The following NTM variants were observed in gnomAD, a reference collection of about 807,000 sequenced individuals.
The protein encoded by NTM is IgLON family member 2.
A neutral mutation model predicts 42.1 loss-of-function variants in NTM; 13 were observed. That is an observed-to-expected ratio of 0.31 (90% CI 0.20 to 0.49). The LOEUF is 0.49. NTM is among the 20% of genes least tolerant of loss of function. The probability of loss-of-function intolerance (pLI) is 0.99; values close to 1 mark genes in which losing one functional copy is unlikely to be tolerated. For synonymous variants in NTM, 187 were observed against 179.2 expected (o/e 1.04, Z -0.35); for missense variants, 373 against 452.8 (o/e 0.82, Z 1.60).
chr11:131,531,753 A>T (rs1242368303), intron 1 of NTM, among the ~76,000 whole-genome samples: 1 of 152,212 alleles, frequency 6.6e-6, no homozygotes, highest in African/African-American at 2.4e-5. Flanking sequence ...TTTTCATAAG[A>T]TGGAGGTGAA....
intron 1 of NTM, among the ~76,000 whole-genome samples, chr11:131,703,968 C>G (rs1348846122): frequency 1.3e-5 from 2 of 152,164 alleles, no homozygotes; most frequent in Admixed American, 1.3e-4. Context: ...AGGGTTGCAT[C>G]CACAGAACCA....
intron 1 of NTM, among the ~76,000 whole-genome samples, chr11:131,729,292 G>T (rs1310570494): frequency 6.6e-6 from 1 of 152,154 alleles, no homozygotes; most frequent in Non-Finnish European, 1.5e-5. Flanking sequence ...GGGTATTTGA[G>T]AAATATTGGT....
At chr11:131,813,817 C>G (rs1293963980) in intron 1 of NTM, among the ~76,000 whole-genome samples, 1 of 151,468 alleles carries the variant, frequency 6.6e-6, no homozygotes, top group South Asian at 2.1e-4. Flanking sequence ...ATGACAGAGA[C>G]CCGGGTTCTA....
At chr11:131,984,614 A>T (rs1268419097) in intron 2 of NTM, 2 of 152,198 alleles carry the variant, frequency 1.3e-5, no homozygotes, top group Non-Finnish European at 2.9e-5. Flanking sequence ...TATCTAGCCC[A>T]TTTGCTGTGA....
intron 1 of NTM, among the ~76,000 whole-genome samples, chr11:131,825,006 T>C (rs2041963284): frequency 6.6e-6 from 1 of 152,150 alleles, no homozygotes; most frequent in Admixed American, 6.5e-5. Flanking sequence ...ACAACAGAAA[T>C]TTATTGTTTC....
intron 1 of NTM, among the ~76,000 whole-genome samples, chr11:131,492,407 A>AGTTTCT (rs4053984): frequency 0.71 from 107,191 of 151,494 alleles, 37,937 homozygotes; most frequent in Admixed American, 0.75. Flanking sequence ...AGTTATCTTC[A>AGTTTCT]AAGACATCTT....
At chr11:131,747,663 T>A (rs1349815357) in intron 1 of NTM, among the ~76,000 whole-genome samples, 3 of 152,246 alleles carry the variant, frequency 2.0e-5, no homozygotes, top group Non-Finnish European at 4.4e-5. Context: ...CAAGCTTTTC[T>A]GGATCTTGGG....
intron 1 of NTM, among the ~76,000 whole-genome samples, chr11:131,905,109 T>C (rs1257195640): frequency 6.6e-6 from 1 of 152,198 alleles, no homozygotes; most frequent in Non-Finnish European, 1.5e-5. Flanking sequence ...CAGCCAGGCC[T>C]GTGCTAAACT....
intron 2 of NTM, among the ~76,000 whole-genome samples, chr11:132,011,454 G>A (rs1241882489): frequency 6.6e-6 from 1 of 152,180 alleles, no homozygotes; most frequent in African/African-American, 2.4e-5. Flanking sequence ...CTTGAACTGG[G>A]TGAGCGGTCC....
intron 1 of NTM, among the ~76,000 whole-genome samples, chr11:131,613,014 GC>G (rs552035485): frequency 9.2e-4 from 140 of 152,340 alleles, no homozygotes; most frequent in African/African-American, 3.2e-3. Context: ...GTTCCCTGGG[GC>G]CAGGCACATT....
intron 4 of NTM, among the ~76,000 whole-genome samples, chr11:132,224,592 G>C (rs1289452457): frequency 3.3e-5 from 5 of 152,142 alleles, no homozygotes; most frequent in Non-Finnish European, 5.9e-5. Context: ...TCTGTGGCAG[G>C]GCAGAAACCC....
intron 1 of NTM, among the ~76,000 whole-genome samples, chr11:131,678,411 T>C (rs2071812650): frequency 6.6e-6 from 1 of 152,244 alleles, no homozygotes; most frequent in South Asian, 2.1e-4. Flanking sequence ...TTCTGCTCTA[T>C]TCAACACAGA....
intron 4 of NTM, among the ~76,000 whole-genome samples, chr11:132,299,147 T>C (rs1270896342): frequency 6.6e-6 from 1 of 151,752 alleles, no homozygotes; most frequent in East Asian, 1.9e-4. Flanking sequence ...TAAAAAAAAT[T>C]AGCTGGGCGT....
At chr11:131,576,913 G>A (rs2057992253) in intron 1 of NTM, among the ~76,000 whole-genome samples, 1 of 152,190 alleles carries the variant, frequency 6.6e-6, no homozygotes, top group South Asian at 2.1e-4. Flanking sequence ...GTTATTGCAA[G>A]ATTAAATAAG....
chr11:131,730,584 C>T (rs749167448), intron 1 of NTM, among the ~76,000 whole-genome samples: 9 of 151,928 alleles, frequency 5.9e-5, no homozygotes, highest in African/African-American at 1.2e-4. Flanking sequence ...CTGGGCACAG[C>T]GATGCTTGCC....
chr11:131,673,779 G>T (rs1281049758), intron 1 of NTM, among the ~76,000 whole-genome samples: 1 of 152,160 alleles, frequency 6.6e-6, no homozygotes, highest in Non-Finnish European at 1.5e-5. Flanking sequence ...CCTTCCTGAG[G>T]CTGGAGAACA....
chr11:131,690,049 G>A (rs2074456548), intron 1 of NTM, among the ~76,000 whole-genome samples: 1 of 152,128 alleles, frequency 6.6e-6, no homozygotes, highest in South Asian at 2.1e-4. Flanking sequence ...AATTCATGAT[G>A]AGATCTCATG....
intron 3 of NTM, among the ~76,000 whole-genome samples, chr11:132,189,665 C>CAG (rs1566424806): frequency 6.6e-6 from 1 of 151,890 alleles, no homozygotes; most frequent in Non-Finnish European, 1.5e-5. Context: ...CACACACACA[C>CAG]ACAGACACAC....
chr11:132,108,575 C>G (rs1482405387), intron 2 of NTM, among the ~76,000 whole-genome samples: 1 of 152,060 alleles, frequency 6.6e-6, no homozygotes, highest in African/African-American at 2.4e-5. Flanking sequence ...ACATTGCATG[C>G]AGTGTACACT....
Sources: allele counts gnomAD v4.1 joint callset (sites outside exome capture counted in the v4.1 genomes callset), GRCh38; gene constraint gnomAD v4.1.1; transcripts MANE v1.5; gene names NCBI Gene and HGNC (gene_info 2026-07-23, HGNC 2026-07-21).